The following CTNNA3 variants were observed in gnomAD, a reference collection of about 807,000 sequenced individuals.
The protein encoded by CTNNA3 is catenin alpha 3, also known as catenin alpha-3.
In CTNNA3, 76 loss-of-function variants were observed where a neutral mutation model predicts 95.7. The ratio of observed to expected loss-of-function variants is 0.79; its 90% CI spans 0.66 to 0.96. CTNNA3 has a LOEUF of 0.96. Among genes scored for constraint, CTNNA3 ranks in the 40% least tolerant of loss-of-function variants. The pLI is 0.00. For synonymous variants in CTNNA3, 431 were observed against 374.4 expected (o/e 1.15, Z -1.74); for missense variants, 1,191 against 1,089.8 (o/e 1.09, Z -1.31).
intron 7 of CTNNA3, among the ~76,000 whole-genome samples, chr10:67,148,897 T>C (rs1860961333): frequency 6.6e-6 from 1 of 152,218 alleles, no homozygotes; most frequent in Admixed American, 6.5e-5. Flanking sequence ...ATTTCTCATA[T>C]TTCCCATTTT....
intron 5 of CTNNA3, among the ~76,000 whole-genome samples, chr10:67,520,604 T>A (rs970680358): frequency 3.9e-5 from 6 of 152,134 alleles, no homozygotes; most frequent in Admixed American, 6.6e-5. Flanking sequence ...TTAATTTTTT[T>A]AAAAAAACAA....
chr10:66,334,176 T>C (rs150669023), intron 12 of CTNNA3, among the ~76,000 whole-genome samples: 2,271 of 152,160 alleles, frequency 0.015, 49 homozygotes, highest in African/African-American at 0.052. Flanking sequence ...GTCTTGAGTC[T>C]TTATCCAGTT....
intron 9 of CTNNA3, among the ~76,000 whole-genome samples, chr10:66,678,087 T>C (rs1473156051): frequency 6.6e-6 from 1 of 152,170 alleles, no homozygotes; most frequent in Non-Finnish European, 1.5e-5. Flanking sequence ...TTCCTTGAAA[T>C]GCAATGAAAG....
intron 5 of CTNNA3, among the ~76,000 whole-genome samples, chr10:67,305,947 T>C (rs1840537275): frequency 6.6e-6 from 1 of 152,164 alleles, no homozygotes; most frequent in African/African-American, 2.4e-5. Flanking sequence ...TATTGGTCTA[T>C]GGTATAGGTT....
At chr10:66,913,710 G>T (rs1005076817) in intron 7 of CTNNA3, among the ~76,000 whole-genome samples, 10 of 152,116 alleles carry the variant, frequency 6.6e-5, no homozygotes, top group African/African-American at 2.4e-4. Context: ...AGAAGTAGGG[G>T]TCACAAAAAA....
intron 7 of CTNNA3, among the ~76,000 whole-genome samples, chr10:67,174,147 CTCTA>C (rs1418017022): frequency 6.6e-6 from 1 of 152,150 alleles, no homozygotes; most frequent in Non-Finnish European, 1.5e-5. Context: ...TGTGCTCTGG[CTCTA>C]TCTGATTAGT....
intron 13 of CTNNA3, among the ~76,000 whole-genome samples, chr10:66,259,862 C>T (rs890290788): frequency 6.6e-6 from 1 of 152,146 alleles, no homozygotes; most frequent in Admixed American, 6.6e-5. Context: ...GACTCCAAGT[C>T]TCTATATTGG....
chr10:66,812,015 T>C lies in CTNNA3; in HGVS notation c.1048-36491A>G, dbSNP rs541052374. ...CTTCCTGAGATGAATTTACCTCTTG[T>C]AGCAGCTTTACTTTATTGAGATGAT... is the stretch of plus-strand genomic sequence containing the variant. On this transcript the variant is annotated intron_variant, in intron 7 of 17. Coordinates refer to ENST00000433211, the MANE Select transcript of CTNNA3 (RefSeq NM_013266.4). Among the ~76,000 whole-genome samples the C allele has an allele frequency of 1.4e-4, 21 of 152,332 alleles. No individual in the cohort carries two copies. The South Asian group carries it at 4.3e-3, about 32-fold the overall frequency.
chr10:66,583,299 TTTGTTG>T (rs139169263), intron 10 of CTNNA3, among the ~76,000 whole-genome samples: 100,115 of 150,318 alleles, frequency 0.67, 34,774 homozygotes, highest in Non-Finnish European at 0.78. Flanking sequence ...TGTTTTGGTT[TTTGTTG>T]TTGTTGTTGT....
At chr10:66,008,896 TC>T (rs1244058617) in intron 15 of CTNNA3, among the ~76,000 whole-genome samples, 8 of 151,964 alleles carry the variant, frequency 5.3e-5, no homozygotes, top group African/African-American at 1.9e-4. Flanking sequence ...GGTCAGGAGT[TC>T]AAGACCAGCC....
chr10:66,294,083 T>C (rs1221142015), intron 12 of CTNNA3, among the ~76,000 whole-genome samples: 2 of 152,218 alleles, frequency 1.3e-5, no homozygotes, highest in Admixed American at 6.5e-5. Flanking sequence ...AGCCCAATGA[T>C]TGTTAACGAG....
At chr10:66,137,757 G>A (rs541212907) in intron 13 of CTNNA3, among the ~76,000 whole-genome samples, 1 of 152,040 alleles carries the variant, frequency 6.6e-6, no homozygotes, top group South Asian at 2.1e-4. Context: ...GATTAGCCTG[G>A]GCAACATGGC....
At chr10:67,434,801 T>C (rs535377316) in intron 5 of CTNNA3, among the ~76,000 whole-genome samples, 3 of 152,176 alleles carry the variant, frequency 2.0e-5, no homozygotes, top group Non-Finnish European at 4.4e-5. Context: ...ATGAAAGTCA[T>C]GACTTACCAA....
rs192303518 is a variant in CTNNA3 at position 66,648,249 on chromosome 10, G to A, written c.1282-26465C>T. 3.3e-5 allele frequency among the ~76,000 whole-genome samples: 5 copies of A among 152,196 alleles called. No individual in the cohort carries two copies. In the East Asian group the frequency reaches 7.7e-4, roughly 24 times the overall value. Reference sequence around the variant, plus strand: ...CAGGGATTCTGATTCCACTGGTTTGGGGTAAGGGACCCTGTGTTGCCCACA... The same window carrying A: ...CAGGGATTCTGATTCCACTGGTTTGAGGTAAGGGACCCTGTGTTGCCCACA... On this transcript the variant is annotated intron_variant, in intron 9 of 17. Coordinates refer to ENST00000433211, the MANE Select transcript of CTNNA3 (RefSeq NM_013266.4).
At chr10:67,410,311 C>A (rs1242482243) in intron 5 of CTNNA3, among the ~76,000 whole-genome samples, 3 of 151,884 alleles carry the variant, frequency 2.0e-5, no homozygotes, top group South Asian at 4.1e-4. Context: ...GATAATAACA[C>A]ATAGACACAT....
intron 5 of CTNNA3, among the ~76,000 whole-genome samples, chr10:67,407,071 G>C (rs190487423): frequency 6.6e-6 from 1 of 152,240 alleles, no homozygotes; most frequent in Admixed American, 6.5e-5. Context: ...CATTCTATGA[G>C]GCCAGCATCA....
At chr10:66,195,315 C>G (rs1465848631) in intron 13 of CTNNA3, among the ~76,000 whole-genome samples, 1 of 152,114 alleles carries the variant, frequency 6.6e-6, no homozygotes, top group African/African-American at 2.4e-5. Context: ...TGCAATCTTA[C>G]AGCTGCTATA....
At chr10:66,929,356 C>T (rs867681317) in intron 7 of CTNNA3, among the ~76,000 whole-genome samples, 2 of 152,178 alleles carry the variant, frequency 1.3e-5, no homozygotes, top group African/African-American at 4.8e-5. Flanking sequence ...TGGTTGAGAG[C>T]TTACCAGAAT....
At chr10:67,434,487 A>T (rs1018004575) in intron 5 of CTNNA3, among the ~76,000 whole-genome samples, 1 of 151,966 alleles carries the variant, frequency 6.6e-6, no homozygotes, top group Non-Finnish European at 1.5e-5. Flanking sequence ...TCGAGATTAA[A>T]TCTATTTAAA....
Sources: gnomAD v4.1 joint callset for allele counts (sites outside exome capture counted in the v4.1 genomes callset) on GRCh38, gnomAD v4.1.1 for gene constraint, MANE v1.5 for transcripts, NCBI Gene and HGNC (gene_info 2026-07-23, HGNC 2026-07-21) for gene names.